The following ZNF32 variants were observed in gnomAD, a reference collection of about 807,000 sequenced individuals.
The protein encoded by ZNF32 is C2H2-546.
ZNF32 carries 13 observed loss-of-function variants against 24.4 expected under a neutral mutation model. The ratio of observed to expected loss-of-function variants is 0.53; its 90% CI spans 0.35 to 0.85. ZNF32 has a LOEUF of 0.85. Among genes scored for constraint, ZNF32 ranks in the 40% least tolerant of loss-of-function variants. The probability of loss-of-function intolerance (pLI) is 0.01; values close to 1 mark genes in which losing one functional copy is unlikely to be tolerated. For missense variants in ZNF32, 239 were observed against 325.3 expected, an observed-to-expected ratio of 0.73 and a Z score of 2.04; for synonymous variants, 115 against 117.4, an observed-to-expected ratio of 0.98 and a Z score of 0.13.
At chr10:43,645,978 T>G (rs191236233) in intron 2 of ZNF32, 86 bp downstream of exon 2, 19 of 1,573,864 alleles carry the variant, frequency 1.2e-5, no homozygotes, top group Non-Finnish European at 1.6e-5. Flanking sequence ...TCTCCTCTGC[T>G]TCCTCAGACT....
Position 43,644,423 on chromosome 10 carries a change from A to C in ZNF32, c.449T>G (p.Val150Gly). Residue 150 changes from valine to glycine, a missense_variant, in exon 3 of 3, where the codon GTC becomes GGC. Val to Gly is a moderately radical substitution (Grantham distance 109). Coordinates refer to ENST00000374433, the MANE Select transcript of ZNF32 (RefSeq NM_006973.3). This position sits in a 1 kb window ranked among gnomAD's most constrained non-coding sequence, Gnocchi z 5.3. Reference sequence around the variant, plus strand: ...CTGTCCAGTGTGGAGTCTCTCGTGGACAGCGAGACTACCTCGTTGACTGAA... The same window carrying C: ...CTGTCCAGTGTGGAGTCTCTCGTGGCCAGCGAGACTACCTCGTTGACTGAA... ...KSFSQRGSLA[V>G]HERLHTGQKP... The C allele has an allele frequency of 6.2e-7, 1 of 1,614,116 alleles. No homozygotes were observed. Among genetic ancestry groups the C allele is most frequent in the Non-Finnish European group, 8.5e-7 (1 of 1,179,984 alleles).
intron 2 of ZNF32, 103 bp downstream of exon 2, chr10:43,645,961 A>G (rs1839271656): frequency 2.6e-6 from 4 of 1,543,046 alleles, no homozygotes; most frequent in African/African-American, 1.4e-5. Context: ...GCTCTACCAA[A>G]GCAAGGTCTC....
At chr10:43,647,438 A>G (rs1839342632) in intron 1 of ZNF32, 2 of 152,152 alleles carry the variant, frequency 1.3e-5, no homozygotes. Flanking sequence ...CTGAATTCTT[A>G]TACTTTTAAG....
chr10:43,644,858 G>A lies in ZNF32; in HGVS notation c.71-57C>T, dbSNP rs151303183. On this transcript the variant is annotated intron_variant, in intron 2 of 2. Transcript: ENST00000374433. This position sits in a 1 kb window ranked among gnomAD's most constrained non-coding sequence, Gnocchi z 5.3. ...GCACCAATAATGCTGAGTTAGAATA[G>A]GGAAAAAGAAACATAATACTTTGAG... 4.4e-4 allele frequency: 663 copies of A among 1,520,698 alleles called. 3 individuals are homozygous for A. In the Middle Eastern group the frequency reaches 6.4e-3, roughly 15 times the overall value. The allele number at this position is 1,520,698 out of a possible 1,614,324, so 94.2% of individuals were successfully genotyped here.
rs756201792 is a variant in ZNF32 at position 43,644,770 on chromosome 10, G to A, written c.102C>T (p.Asp34=). The A allele has an allele frequency of 7.5e-6, 12 of 1,609,358 alleles. No individual in the cohort carries two copies. The highest frequency in any genetic ancestry group is 5.5e-5 in the South Asian group (5 of 90,178). The change falls in exon 3 of 3, where the codon GAC becomes GAT. Residue 34 remains aspartate, a synonymous_variant. Transcript: ENST00000374433. The surrounding 1 kb of genome is among the most constrained non-coding windows in gnomAD (Gnocchi z 5.3). ...NVMTEAHHKY[D]HSEATGSSSW... ...TTGAGGATCCTGTAGCCTCAGAGTGGTCATATTTGTGGTGGGCTTCAGTCA... is the reference window on the plus strand; with the variant it reads ...TTGAGGATCCTGTAGCCTCAGAGTGATCATATTTGTGGTGGGCTTCAGTCA...
Position 43,644,381 on chromosome 10 carries a change from G to A in ZNF32, c.491C>T (p.Ala164Val). The change falls in exon 3 of 3, where the codon GCT becomes GTT. Residue 164 changes from alanine (A) to valine (V), a missense_variant. Ala to Val is a moderately conservative substitution (Grantham distance 64, BLOSUM62 0). Coordinates refer to ENST00000374433, the MANE Select transcript of ZNF32 (RefSeq NM_006973.3). The surrounding 1 kb of genome is among the most constrained non-coding windows in gnomAD (Gnocchi z 5.3). ...LHTGQKPYEC[A>V]ICQRSFRNQS... is the part of the protein sequence containing the mutation. The stretch of plus-strand genomic sequence containing the variant: ...ATTCCTGAAGCTTCTCTGACAAATA[G>A]CACACTCGTAGGGTTTCTGTCCAGT... 1 of 1,613,552 alleles carries A rather than the reference G, an allele frequency of 6.2e-7. No individual in the cohort carries two copies. The highest frequency in any genetic ancestry group is 8.5e-7 in the Non-Finnish European group (1 of 1,179,664).
At chr10:43,648,269 G>A (rs1839387438) in intron 1 of ZNF32, among the ~76,000 whole-genome samples, 1 of 152,228 alleles carries the variant, frequency 6.6e-6, no homozygotes, top group African/African-American at 2.4e-5. Flanking sequence ...CTGGAGGGCG[G>A]ATGAGAAGAG....
At position 43,643,878 on chromosome 10, in the gene ZNF32, G is replaced by A; in HGVS notation, c.*172C>T. 1 of 649,284 alleles carries A rather than the reference G, an allele frequency of 1.5e-6. No individual in the cohort carries two copies. The highest frequency in any genetic ancestry group is 1.8e-5 in the African/African-American group (1 of 54,906). The allele number at this position is 649,284 out of a possible 1,614,324, so 40.2% of individuals were successfully genotyped here. On this transcript the variant is annotated 3_prime_UTR_variant, in exon 3 of 3. Coordinates refer to ENST00000374433, the MANE Select transcript of ZNF32 (RefSeq NM_006973.3). ...CATACATGATAATGATAATAAACAA[G>A]ACATTTATTTTTCATACTCTTTTGG...
In ZNF32 at chr10:43,645,950, A is replaced by G. The variant is rs754646424; in HGVS notation, c.70+114T>C. On this transcript the variant is annotated intron_variant, in intron 2 of 2. Transcript: ENST00000374433. ...TTTTCTTATAACCCTAGGAACAGCA[A>G]GCTCTACCAAAGCAAGGTCTCCTCT... 9.9e-6 allele frequency: 15 copies of G among 1,520,324 alleles called. No homozygotes were observed. In the East Asian group the frequency reaches 3.0e-4, roughly 30 times the overall value. 94.2% of individuals were successfully genotyped at this position (1,520,324 alleles called of 1,614,324 possible).
chr10:43,644,668 A>C lies in ZNF32; in HGVS notation c.204T>G (p.Asp68Glu). 1 of 1,614,168 alleles carries C rather than the reference A, an allele frequency of 6.2e-7. No individual in the cohort carries two copies. Among genetic ancestry groups the C allele is most frequent in the Non-Finnish European group, 8.5e-7 (1 of 1,180,040 alleles). ...AGACCCTTTGTCTCACTCCAGGTGA[A>C]TCTTCCTGTAGTGTCTTCGAATCTG... is the stretch of plus-strand genomic sequence containing the variant. ...KSPDSKTLQE[D>E]SPGVRQRVYE... Residue 68 changes from aspartate (D) to glutamate (E), a missense_variant, in exon 3 of 3, where the codon GAT (aspartate) becomes GAG (glutamate). Transcript: ENST00000374433. The surrounding 1 kb of genome is among the most constrained non-coding windows in gnomAD (Gnocchi z 5.3).
At chr10:43,648,662 G>A (rs2132387069) in intron 1 of ZNF32, 140 bp downstream of exon 1, 1 of 152,340 alleles carries the variant, frequency 6.6e-6, no homozygotes, top group African/African-American at 2.4e-5. Flanking sequence ...GGCCTCCCTC[G>A]GGGCCCGGGC....
intron 1 of ZNF32, among the ~76,000 whole-genome samples, chr10:43,646,625 C>T (rs959595460): frequency 6.6e-6 from 1 of 152,190 alleles, no homozygotes; most frequent in African/African-American, 2.4e-5. Context: ...AATCAGCTCT[C>T]CAGTTATCTG....
chr10:43,644,646 C>G lies in ZNF32; in HGVS notation c.226G>C (p.Val76Leu), dbSNP rs201346851. ...QEDSPGVRQR[V>L]YECQECGKSF... The stretch of plus-strand genomic sequence containing the variant: ...TTTCCACACTCCTGGCACTCATAGA[C>G]CCTTTGTCTCACTCCAGGTGAATCT... Residue 76 changes from valine (V) to leucine (L), a missense_variant, in exon 3 of 3, where the codon GTC becomes CTC. Coordinates refer to ENST00000374433, the MANE Select transcript of ZNF32 (RefSeq NM_006973.3). This position sits in a 1 kb window ranked among gnomAD's most constrained non-coding sequence, Gnocchi z 5.3. 1 of 1,614,186 alleles carries G rather than the reference C, an allele frequency of 6.2e-7. No homozygotes were observed. Among genetic ancestry groups the G allele is most frequent in the Non-Finnish European group, 8.5e-7 (1 of 1,180,028 alleles).
chr10:43,647,722 A>C (rs1839356273), intron 1 of ZNF32: 1 of 152,216 alleles, frequency 6.6e-6, no homozygotes, highest in African/African-American at 2.4e-5. Flanking sequence ...TTGGAAGTTC[A>C]AGGTATTCTT....
intron 2 of ZNF32, 144 bp downstream of exon 2, chr10:43,645,920 C>T: frequency 1.4e-6 from 2 of 1,432,370 alleles, no homozygotes; most frequent in Non-Finnish European, 1.8e-6. Flanking sequence ...CTCCAGCTCA[C>T]AGGCTTTTCT....
rs1008691509 is a variant in ZNF32 at position 43,644,046 on chromosome 10, G to A, written c.*4C>T. The A allele has an allele frequency of 6.2e-7, 1 of 1,602,140 alleles. No individual in the cohort carries two copies. The highest frequency in any genetic ancestry group is 1.3e-5 in the African/African-American group (1 of 74,228). On this transcript the variant is annotated 3_prime_UTR_variant, in exon 3 of 3. Transcript: ENST00000374433. The surrounding 1 kb of genome is among the most constrained non-coding windows in gnomAD (Gnocchi z 5.3). ...ATAAAGAGAACTTCTCTTCAGGAAAGTGGTCAAAGGGTGAGCCTCTGTGAG... is the reference window on the plus strand; with the variant it reads ...ATAAAGAGAACTTCTCTTCAGGAAAATGGTCAAAGGGTGAGCCTCTGTGAG...
intron 1 of ZNF32, chr10:43,647,224 G>C (rs1306785821): frequency 6.6e-6 from 1 of 151,970 alleles, no homozygotes; most frequent in Non-Finnish European, 1.5e-5. Flanking sequence ...GCACCACCAA[G>C]CCTGGCTAAT....
chr10:43,645,951 G>A, intron 2 of ZNF32, 113 bp downstream of exon 2: 1 of 1,522,138 alleles, frequency 6.6e-7, no homozygotes, highest in Admixed American at 2.1e-5. Context: ...GGAACAGCAA[G>A]CTCTACCAAA....
rs780436762 is a variant in ZNF32, at chr10:43,644,612, C to T, written c.260G>A (p.Arg87Gln). The change falls in exon 3 of 3, where the codon CGG (arginine) becomes CAG (glutamine). Residue 87 changes from arginine (R) to glutamine (Q), a missense_variant. Transcript: ENST00000374433. This position sits in a 1 kb window ranked among gnomAD's most constrained non-coding sequence, Gnocchi z 5.3. ...ATGTAACGTTAGACTACCTTTTTGC[C>T]GGAAGGATTTTCCACACTCCTGGCA... ...YECQECGKSF[R>Q]QKGSLTLHER... The T allele has an allele frequency of 2.8e-5, 45 of 1,613,486 alleles. No individual in the cohort carries two copies. Among genetic ancestry groups the T allele is most frequent in the Middle Eastern group, 1.6e-4 (1 of 6,074 alleles).
Sources: allele counts gnomAD v4.1 joint callset (sites outside exome capture counted in the v4.1 genomes callset), GRCh38; gene constraint gnomAD v4.1.1; non-coding constraint Gnocchi (gnomAD v3.1); transcripts MANE v1.5; gene names NCBI Gene and HGNC (gene_info 2026-07-23, HGNC 2026-07-21).